The following ARMC2 variants were observed in gnomAD, a reference collection of about 807,000 sequenced individuals.
The protein encoded by ARMC2 is armadillo repeat containing 2.
In ARMC2, 67 loss-of-function variants were observed where a neutral mutation model predicts 90.3. The observed-to-expected ratio is 0.74, with a 90% CI of 0.61 to 0.91. ARMC2 has a LOEUF of 0.91. ARMC2 is among the 40% of genes least tolerant of loss of function. The pLI is 0.00. For synonymous variants in ARMC2, 393 were observed against 393.0 expected, an observed-to-expected ratio of 1.00 and a Z score of 0.00; for missense variants, 920 against 1,030.9, an observed-to-expected ratio of 0.89 and a Z score of 1.47.
At chr6:108,892,345 G>A (rs1470698455) in intron 5 of ARMC2, among the ~76,000 whole-genome samples, 1 of 150,772 alleles carries the variant, frequency 6.6e-6, no homozygotes, top group Non-Finnish European at 1.5e-5. Context: ...ATTTGCTATC[G>A]TATTTTTATT....
At chr6:108,942,758 T>C (rs1471060358) in intron 12 of ARMC2, among the ~76,000 whole-genome samples, 1 of 152,196 alleles carries the variant, frequency 6.6e-6, no homozygotes, top group Admixed American at 6.5e-5. Flanking sequence ...GTTTTTGTTC[T>C]GGGAGGTTAG....
chr6:108,959,874 C>T (rs1030426722), intron 13 of ARMC2, among the ~76,000 whole-genome samples: 1 of 151,810 alleles, frequency 6.6e-6, no homozygotes, highest in Non-Finnish European at 1.5e-5. Context: ...TTAGTGGAGA[C>T]GGGGTTTCAC....
chr6:108,857,208 G>A (rs1054377494), intron 2 of ARMC2, among the ~76,000 whole-genome samples: 1 of 152,144 alleles, frequency 6.6e-6, no homozygotes. Context: ...GAAAATGGAC[G>A]ATCTCTTCAT....
At chr6:109,000,314 A>G in the ARMC2 span, 1,569 of 461,162 alleles carry the variant, frequency 3.4e-3, 6 homozygotes, top group Non-Finnish European at 4.1e-3. Flanking sequence ...TAATATATCA[A>G]TTACAGCAAA....
At chr6:108,964,856 T>G in intron 16 of ARMC2, 124 bp from the exon 17 acceptor site, 1 of 735,432 alleles carries the variant, frequency 1.4e-6, no homozygotes. Context: ...AGATAAGGAA[T>G]TATTTTAAGT....
At chr6:109,012,641 C>T in the ARMC2 span, among the ~76,000 whole-genome samples, 3 of 152,012 alleles carry the variant, frequency 2.0e-5, no homozygotes, top group African/African-American at 4.8e-5. Context: ...AGTAGAGAGG[C>T]CTTGGAAAGA....
At chr6:108,899,840 A>G (rs748354959) in intron 7 of ARMC2, 48 bp downstream of exon 7, 5 of 1,395,588 alleles carry the variant, frequency 3.6e-6, no homozygotes, top group Non-Finnish European at 5.0e-6. Flanking sequence ...TTTTTTTTTA[A>G]AAAATACCTG....
chr6:108,981,721 G>A, the ARMC2 span, among the ~76,000 whole-genome samples: 1 of 151,804 alleles, frequency 6.6e-6, no homozygotes, highest in Non-Finnish European at 1.5e-5. Context: ...AAGCTGGAGT[G>A]CAATGGCATG....
chr6:108,977,743 A>C (rs1239517221), downstream of ARMC2, among the ~76,000 whole-genome samples: 2 of 152,078 alleles, frequency 1.3e-5, no homozygotes, highest in African/African-American at 4.8e-5. Flanking sequence ...GTATGTGTCC[A>C]GCAATTTATC....
intron 5 of ARMC2, among the ~76,000 whole-genome samples, chr6:108,884,749 G>A (rs1244186768): frequency 6.6e-6 from 1 of 152,176 alleles, no homozygotes; most frequent in African/African-American, 2.4e-5. Flanking sequence ...TTAAATAAAG[G>A]TGCACCACTG....
chr6:108,962,644 G>A (rs1778079163), intron 15 of ARMC2, among the ~76,000 whole-genome samples: 1 of 152,206 alleles, frequency 6.6e-6, no homozygotes, highest in African/African-American at 2.4e-5. Flanking sequence ...TATTGCTTCT[G>A]CACAGGTATT....
chr6:108,924,442 C>T (rs149657025), intron 10 of ARMC2, among the ~76,000 whole-genome samples: 1,731 of 152,112 alleles, frequency 0.011, 7 homozygotes, highest in South Asian at 0.031. Flanking sequence ...CGCTTGAACC[C>T]AGGAGGCGGA....
downstream of ARMC2, among the ~76,000 whole-genome samples, chr6:108,976,364 ATC>A (rs1246450616): frequency 6.6e-6 from 1 of 151,934 alleles, no homozygotes; most frequent in Non-Finnish European, 1.5e-5. Context: ...ATTGGTCTAT[ATC>A]TCTGTTTTGG....
chr6:108,918,611 G>T (rs1015198596), intron 10 of ARMC2, among the ~76,000 whole-genome samples: 28 of 152,102 alleles, frequency 1.8e-4, no homozygotes, highest in African/African-American at 5.8e-4. Flanking sequence ...CAATGCTGGG[G>T]CAGGCCCAGT....
At chr6:109,002,931 T>TG in the ARMC2 span, among the ~76,000 whole-genome samples, 1 of 152,134 alleles carries the variant, frequency 6.6e-6, no homozygotes, top group Non-Finnish European at 1.5e-5. Flanking sequence ...TGCCTTAAAT[T>TG]AAGTTTTTTT....
chr6:108,948,765 G>A (rs1776978087), intron 12 of ARMC2, among the ~76,000 whole-genome samples: 1 of 152,078 alleles, frequency 6.6e-6, no homozygotes. Context: ...AGAAGAGGAA[G>A]GGGCCTGAGG....
chr6:108,887,373 G>C (rs1299433804), intron 5 of ARMC2, among the ~76,000 whole-genome samples: 1 of 152,210 alleles, frequency 6.6e-6, no homozygotes, highest in Non-Finnish European at 1.5e-5. Context: ...TGGCTGTTCA[G>C]AGTGAAATGT....
At chr6:108,855,250 C>CTT (rs1256172618) in intron 2 of ARMC2, among the ~76,000 whole-genome samples, 2,370 of 138,144 alleles carry the variant, frequency 0.017, 75 homozygotes, top group African/African-American at 0.06. Flanking sequence ...TTTTGTTTTT[C>CTT]TTTTTTTTTT....
chr6:109,002,444 G>T, the ARMC2 span: 1 of 885,906 alleles, frequency 1.1e-6, no homozygotes, highest in Non-Finnish European at 1.8e-6. Context: ...ACAGAGACAG[G>T]CTTGTTTTGA....
Sources: allele counts gnomAD v4.1 joint callset (sites outside exome capture counted in the v4.1 genomes callset), GRCh38; gene constraint gnomAD v4.1.1; transcripts MANE v1.5; gene names NCBI Gene and HGNC (gene_info 2026-07-23, HGNC 2026-07-21).